Variants in NAALADL2 observed in about 807,000 individuals in gnomAD.
NAALADL2 encodes the protein inactive N-acetylated-alpha-linked acidic dipeptidase-like protein 2.
A neutral mutation model predicts 87.2 loss-of-function variants in NAALADL2; 76 were observed. The ratio of observed to expected loss-of-function variants is 0.87; its 90% CI spans 0.72 to 1.05. The LOEUF (loss-of-function observed/expected upper bound fraction) is 1.05. NAALADL2 is among the 50% of genes least tolerant of loss of function. The pLI, the probability that NAALADL2 is intolerant of heterozygous loss-of-function variation, is 0.00. For missense variants in NAALADL2, 1,089 were observed against 945.8 expected, an observed-to-expected ratio of 1.15 and a Z score of -1.99; for synonymous variants, 354 against 331.0, an observed-to-expected ratio of 1.07 and a Z score of -0.75.
At chr3:175,308,117 A>G (rs1399369647) in intron 4 of NAALADL2, among the ~76,000 whole-genome samples, 1 of 152,218 alleles carries the variant, frequency 6.6e-6, no homozygotes, top group Admixed American at 6.5e-5. Flanking sequence ...AGACATTTTT[A>G]CAGAGAAAAC....
chr3:175,735,943 A>G (rs1440177821), intron 11 of NAALADL2, among the ~76,000 whole-genome samples: 1 of 152,206 alleles, frequency 6.6e-6, no homozygotes, highest in Non-Finnish European at 1.5e-5. Flanking sequence ...TCACAAGACA[A>G]TGTTTTTCAT....
chr3:174,515,151 A>G (rs919043351), intron 1 of NAALADL2, among the ~76,000 whole-genome samples: 3 of 152,138 alleles, frequency 2.0e-5, no homozygotes, highest in Non-Finnish European at 4.4e-5. Flanking sequence ...AGTATTTCAG[A>G]AAAGGCATTC....
chr3:174,882,654 C>CATATACGCATATGTGCATATGCGT lies in NAALADL2; in HGVS notation c.43+23208_43+23209insACGCATATGTGCATATGCGTATAT, dbSNP rs982911445. ...GCATATACACATATGTGCATATACA[C>CATATACGCATATGTGCATATGCGT]ATATGTGCATATACACATATGTGTA... On this transcript the variant is annotated intron_variant, in intron 1 of 13. Coordinates refer to ENST00000454872, the MANE Select transcript of NAALADL2 (RefSeq NM_207015.3). Among the ~76,000 whole-genome samples, 107 of 131,794 alleles carry CATATACGCATATGTGCATATGCGT rather than the reference C, an allele frequency of 8.1e-4. 1 individual carries two copies. The highest frequency in any genetic ancestry group is 3.6e-3 in the African/African-American group (95 of 26,482). The allele number at this position is 131,794 out of a possible 152,430, so 86.5% of individuals were successfully genotyped here. A position where few individuals can be genotyped will look rare whatever the true frequency, so the allele number is the denominator to read the frequency against.
intron 2 of NAALADL2, among the ~76,000 whole-genome samples, chr3:175,105,881 A>G (rs58074245): frequency 0.45 from 68,309 of 151,830 alleles, 15,528 homozygotes; most frequent in East Asian, 0.52. Flanking sequence ...CTATAAAGAA[A>G]AAATGAAAAT....
chr3:174,784,985 G>T (rs1281283394), intron 3 of NAALADL2, among the ~76,000 whole-genome samples: 1 of 152,094 alleles, frequency 6.6e-6, no homozygotes, highest in Non-Finnish European at 1.5e-5. Context: ...TGATAATCAA[G>T]ATCTTTTGTC....
intron 2 of NAALADL2, among the ~76,000 whole-genome samples, chr3:175,173,808 G>C (rs1287320270): frequency 1.3e-5 from 2 of 152,298 alleles, no homozygotes; most frequent in East Asian, 3.9e-4. Flanking sequence ...AGCATAGTTT[G>C]TTGCATTCAG....
chr3:175,505,102 C>T (rs761028950), intron 9 of NAALADL2, among the ~76,000 whole-genome samples: 4 of 152,014 alleles, frequency 2.6e-5, no homozygotes, highest in Admixed American at 6.6e-5. Context: ...TAAAAATCTC[C>T]TATTATGCTG....
Position 175,039,845 on chromosome 3 carries a change from T to G in NAALADL2, c.44-56945T>G, listed in dbSNP as rs144270715. ...ATTTGTCTTTGATACTTATGTAGCTTCTTGTTTTTTTTATTCATGTATTCA... is the reference window on the plus strand; with the variant it reads ...ATTTGTCTTTGATACTTATGTAGCTGCTTGTTTTTTTTATTCATGTATTCA... On this transcript the variant is annotated intron_variant, in intron 1 of 13. Transcript: ENST00000454872. Among the ~76,000 whole-genome samples, 1,174 of 152,308 alleles carry G rather than the reference T, an allele frequency of 7.7e-3. 5 individuals carry two copies. Among genetic ancestry groups the G allele is most frequent in the Middle Eastern group, 0.034 (10 of 294 alleles).
At chr3:175,775,945 TTCTG>T (rs942453435) in intron 13 of NAALADL2, among the ~76,000 whole-genome samples, 1 of 152,060 alleles carries the variant, frequency 6.6e-6, no homozygotes, top group African/African-American at 2.4e-5. Context: ...TACAGGAGCT[TTCTG>T]TCTTTTTTCA....
chr3:175,137,497 C>T (rs1409851594), intron 2 of NAALADL2, among the ~76,000 whole-genome samples: 2 of 151,814 alleles, frequency 1.3e-5, no homozygotes, highest in East Asian at 3.9e-4. Context: ...CTTTTTTAAC[C>T]TTAAAATTAA....
At chr3:175,334,297 A>G (rs909980238) in intron 5 of NAALADL2, among the ~76,000 whole-genome samples, 3 of 152,170 alleles carry the variant, frequency 2.0e-5, no homozygotes, top group African/African-American at 7.2e-5. Flanking sequence ...AGAGGTAGCA[A>G]TCCATATTTA....
chr3:175,570,753 G>A (rs1032898728), intron 9 of NAALADL2, among the ~76,000 whole-genome samples: 14 of 151,726 alleles, frequency 9.2e-5, no homozygotes, highest in Non-Finnish European at 1.5e-4. Context: ...GGTGGCGGGC[G>A]CCTGTAGTCC....
intron 6 of NAALADL2, among the ~76,000 whole-genome samples, chr3:175,455,941 A>G (rs1437921979): frequency 6.6e-6 from 1 of 152,060 alleles, no homozygotes; most frequent in East Asian, 1.9e-4. Context: ...AATGGGACAA[A>G]TATTCAATTA....
chr3:174,651,225 G>A (rs764084880), intron 2 of NAALADL2, among the ~76,000 whole-genome samples: 2 of 152,072 alleles, frequency 1.3e-5, no homozygotes, highest in Non-Finnish European at 2.9e-5. Context: ...ATCAGTGCTC[G>A]TAATTAAGTT....
At chr3:175,364,894 A>G (rs1286499771) in intron 5 of NAALADL2, among the ~76,000 whole-genome samples, 1 of 147,684 alleles carries the variant, frequency 6.8e-6, no homozygotes, top group Non-Finnish European at 1.5e-5. Context: ...AGTCAAACTG[A>G]CATTTTTTGA....
intron 11 of NAALADL2, among the ~76,000 whole-genome samples, chr3:175,657,916 T>C (rs1560927549): frequency 6.6e-6 from 1 of 151,952 alleles, no homozygotes; most frequent in Non-Finnish European, 1.5e-5. Context: ...AATTTTCTTT[T>C]TTACCAGTGT....
intron 5 of NAALADL2, among the ~76,000 whole-genome samples, chr3:175,330,662 T>G (rs950839829): frequency 6.6e-6 from 1 of 152,016 alleles, no homozygotes; most frequent in African/African-American, 2.4e-5. Flanking sequence ...AAAGCAGTGC[T>G]AAGAGGGAAT....
chr3:174,461,423 G>A (rs1281596238), intron 1 of NAALADL2, among the ~76,000 whole-genome samples: 1 of 151,892 alleles, frequency 6.6e-6, no homozygotes, highest in Non-Finnish European at 1.5e-5. Flanking sequence ...ACGATGGGTA[G>A]TATTGTGGGT....
chr3:175,432,215 C>A (rs1272372962), intron 5 of NAALADL2, among the ~76,000 whole-genome samples: 1 of 151,928 alleles, frequency 6.6e-6, no homozygotes, highest in African/African-American at 2.4e-5. Context: ...GTTGGACCCT[C>A]ATATATAAAG....
Sources: gnomAD v4.1 joint callset for allele counts (sites outside exome capture counted in the v4.1 genomes callset) on GRCh38, gnomAD v4.1.1 for gene constraint, MANE v1.5 for transcripts, NCBI Gene and HGNC (gene_info 2026-07-23, HGNC 2026-07-21) for gene names.